CTNNA3: variants seen among roughly 807,000 people sequenced by gnomAD.
The protein encoded by CTNNA3 is catenin alpha 3.
CTNNA3 carries 76 observed loss-of-function variants against 95.7 expected under a neutral mutation model. That is an observed-to-expected ratio of 0.79 (90% CI 0.66 to 0.96). The LOEUF is 0.96. Among genes scored for constraint, CTNNA3 ranks in the 40% least tolerant of loss-of-function variants. The probability of loss-of-function intolerance (pLI) is 0.00; values close to 1 mark genes in which losing one functional copy is unlikely to be tolerated. For synonymous variants in CTNNA3, 431 were observed against 374.4 expected (o/e 1.15, Z -1.74); for missense variants, 1,191 against 1,089.8 (o/e 1.09, Z -1.31).
chr10:66,168,453 A>G, intron 13 of CTNNA3, among the ~76,000 whole-genome samples: 1 of 152,110 alleles, frequency 6.6e-6, no homozygotes, highest in East Asian at 1.9e-4. Context: ...ACTATCGTTC[A>G]GTGGTTTTTT....
intron 9 of CTNNA3, among the ~76,000 whole-genome samples, chr10:66,637,800 T>A (rs1845386541): frequency 6.6e-6 from 1 of 152,174 alleles, no homozygotes; most frequent in Non-Finnish European, 1.5e-5. Context: ...TCATTTTTCA[T>A]CACAGAAGTT....
At chr10:67,547,216 C>A (rs561165410) in intron 3 of CTNNA3, among the ~76,000 whole-genome samples, 13 of 152,106 alleles carry the variant, frequency 8.5e-5, no homozygotes, top group South Asian at 2.1e-4. Flanking sequence ...ACCTCCCCCC[C>A]AAAAAATACA....
intron 3 of CTNNA3, among the ~76,000 whole-genome samples, chr10:67,594,080 G>A (rs574648821): frequency 1.3e-5 from 2 of 152,192 alleles, no homozygotes; most frequent in Admixed American, 6.5e-5. Context: ...TATGTTGAAC[G>A]GAACTTGCAT....
chr10:66,110,436 G>A (rs1475824605), intron 13 of CTNNA3, among the ~76,000 whole-genome samples: 34 of 150,520 alleles, frequency 2.3e-4, no homozygotes, highest in Admixed American at 2.3e-3. Context: ...CAATAGCTAA[G>A]AGATGGAAGC....
At chr10:66,677,779 T>C (rs12779828) in intron 9 of CTNNA3, among the ~76,000 whole-genome samples, 56,992 of 151,894 alleles carry the variant, frequency 0.38, 11,112 homozygotes, top group Non-Finnish European at 0.41. Flanking sequence ...CTTTCCTTTA[T>C]AAATTACCCG....
chr10:65,946,762 C>G (rs1269020879), intron 17 of CTNNA3, among the ~76,000 whole-genome samples: 1 of 152,110 alleles, frequency 6.6e-6, no homozygotes, highest in South Asian at 2.1e-4. Context: ...TGCTCCTAAA[C>G]ATTTCTGTAA....
intron 10 of CTNNA3, among the ~76,000 whole-genome samples, chr10:66,568,823 C>A (rs751029493): frequency 6.6e-5 from 10 of 151,828 alleles, no homozygotes; most frequent in Non-Finnish European, 1.2e-4. Context: ...GATAACAGGA[C>A]AATTTACATA....
chr10:67,308,514 T>C (rs1233018320), intron 5 of CTNNA3, among the ~76,000 whole-genome samples: 1 of 152,222 alleles, frequency 6.6e-6, no homozygotes, highest in East Asian at 1.9e-4. Context: ...TCTTTCTTTA[T>C]AAATTACCCC....
chr10:67,286,911 G>T (rs1839625573), intron 5 of CTNNA3, among the ~76,000 whole-genome samples: 2 of 152,132 alleles, frequency 1.3e-5, no homozygotes, highest in Admixed American at 1.3e-4. Flanking sequence ...TGACTTTGCA[G>T]CTCTACTGAA....
At chr10:67,474,895 C>A (rs1847947517) in intron 5 of CTNNA3, among the ~76,000 whole-genome samples, 2 of 152,132 alleles carry the variant, frequency 1.3e-5, no homozygotes, top group African/African-American at 4.8e-5. Context: ...TTATATGCTA[C>A]CATATGACCT....
chr10:66,608,431 C>T (rs957426571), intron 10 of CTNNA3, among the ~76,000 whole-genome samples: 1 of 151,944 alleles, frequency 6.6e-6, no homozygotes, highest in African/African-American at 2.4e-5. Flanking sequence ...ACTCTTCACA[C>T]AACTATAAAA....
intron 1 of CTNNA3, among the ~76,000 whole-genome samples, chr10:67,757,554 G>A (rs1343168433): frequency 2.6e-5 from 4 of 152,214 alleles, no homozygotes; most frequent in Non-Finnish European, 5.9e-5. Flanking sequence ...GAACAGACTT[G>A]CTGAGTGTTC....
chr10:66,044,449 C>A (rs2079781276), intron 15 of CTNNA3, among the ~76,000 whole-genome samples: 1 of 151,218 alleles, frequency 6.6e-6, no homozygotes, highest in Admixed American at 6.6e-5. Context: ...AATTTCTTCT[C>A]ATTTCTGGCA....
chr10:67,668,896 T>C (rs999942932), intron 1 of CTNNA3, among the ~76,000 whole-genome samples: 6 of 138,220 alleles, frequency 4.3e-5, no homozygotes, highest in Non-Finnish European at 1.5e-5. Context: ...TGGAGTGCAA[T>C]GGCGTGATCT....
intron 9 of CTNNA3, among the ~76,000 whole-genome samples, chr10:66,747,202 G>C (rs902726977): frequency 6.6e-6 from 1 of 152,046 alleles, no homozygotes; most frequent in African/African-American, 2.4e-5. Context: ...ATATTGTCTC[G>C]GGCCTTAATG....
chr10:67,168,008 A>T (rs755378598), intron 7 of CTNNA3, among the ~76,000 whole-genome samples: 1 of 152,136 alleles, frequency 6.6e-6, no homozygotes, highest in South Asian at 2.1e-4. Flanking sequence ...ATTCTGGCTC[A>T]CACCTGCAAT....
intron 3 of CTNNA3, among the ~76,000 whole-genome samples, chr10:67,577,748 A>G (rs999457003): frequency 2.0e-5 from 3 of 151,294 alleles, no homozygotes; most frequent in African/African-American, 7.3e-5. Context: ...TTCTTTATCC[A>G]TTCATCTATT....
At chr10:66,962,352 G>T (rs1473716965) in intron 7 of CTNNA3, among the ~76,000 whole-genome samples, 1 of 151,686 alleles carries the variant, frequency 6.6e-6, no homozygotes, top group South Asian at 2.1e-4. Flanking sequence ...TAATACTCTT[G>T]CCCCAAATGT....
At chr10:66,934,446 CA>C (rs1258750665) in intron 7 of CTNNA3, among the ~76,000 whole-genome samples, 2 of 151,980 alleles carry the variant, frequency 1.3e-5, no homozygotes, top group Admixed American at 6.6e-5. Flanking sequence ...GCATTATCTC[CA>C]AAAGAAAAGT....
Sources: gnomAD v4.1 joint callset for allele counts (sites outside exome capture counted in the v4.1 genomes callset) on GRCh38, gnomAD v4.1.1 for gene constraint, MANE v1.5 for transcripts, NCBI Gene and HGNC (gene_info 2026-07-23, HGNC 2026-07-21) for gene names.